AKAIN1: variants seen among roughly 807,000 people sequenced by gnomAD.
The protein encoded by AKAIN1 is A-kinase anchor inhibitor 1.
A neutral mutation model predicts 3.7 loss-of-function variants in AKAIN1; 3 were observed. The ratio of observed to expected loss-of-function variants is 0.82; its 90% CI spans 0.37 to 2.12. AKAIN1 has a LOEUF of 2.12. AKAIN1 is among the 30% of genes most tolerant of loss of function. AKAIN1 has a pLI of 0.06. For missense variants in AKAIN1, 82 were observed against 82.7 expected, an observed-to-expected ratio of 0.99 and a Z score of 0.03; for synonymous variants, 31 against 30.8, an observed-to-expected ratio of 1.01 and a Z score of -0.02.
At chr18:5,197,621 T>TGAGTCCTCTCTCGC (rs1383296660), upstream of AKAIN1, 1 of 463,322 alleles carries the variant, frequency 2.2e-6, no homozygotes, top group Non-Finnish European at 3.5e-6. The surrounding 1 kb of genome is among the most constrained non-coding windows in gnomAD (Gnocchi z 6.9). Flanking sequence ...TGGAGGTCCG[T>TGAGTCCTCTCTCGC]GAGTCCTCTC....
intron 1 of AKAIN1, among the ~76,000 whole-genome samples, chr18:5,193,257 A>G (rs907260026): frequency 3.1e-4 from 47 of 152,300 alleles, no homozygotes; most frequent in African/African-American, 1.0e-3. Context: ...TTATTCCTCC[A>G]TGAAATCCTT....
intron 1 of AKAIN1, among the ~76,000 whole-genome samples, chr18:5,177,684 G>T (rs891200342): frequency 6.6e-6 from 1 of 152,082 alleles, no homozygotes; most frequent in Non-Finnish European, 1.5e-5. Flanking sequence ...AAAAAATGCT[G>T]TTTTTATTTC....
chr18:5,149,708 C>A (rs1281371022), intron 1 of AKAIN1, among the ~76,000 whole-genome samples: 1 of 152,192 alleles, frequency 6.6e-6, no homozygotes, highest in Non-Finnish European at 1.5e-5. Flanking sequence ...AAGTTCCTGG[C>A]CAATGTTCTT....
intron 1 of AKAIN1, among the ~76,000 whole-genome samples, chr18:5,171,864 A>G (rs1246933043): frequency 6.6e-6 from 1 of 152,176 alleles, no homozygotes; most frequent in Non-Finnish European, 1.5e-5. Context: ...AAAGAAAATC[A>G]GTATGTTGAA....
At chr18:5,175,378 G>A (rs751852354) in intron 1 of AKAIN1, among the ~76,000 whole-genome samples, 2 of 152,136 alleles carry the variant, frequency 1.3e-5, no homozygotes, top group African/African-American at 2.4e-5. Context: ...ACTATAACTT[G>A]CTTAGAACAC....
At chr18:5,184,386 G>A (rs544658448) in intron 1 of AKAIN1, among the ~76,000 whole-genome samples, 2 of 152,124 alleles carry the variant, frequency 1.3e-5, no homozygotes, top group South Asian at 4.1e-4. Flanking sequence ...CAAATAGGAG[G>A]AAAGTAAGTC....
At chr18:5,157,285 C>G (rs2071113729) in intron 1 of AKAIN1, among the ~76,000 whole-genome samples, 1 of 152,176 alleles carries the variant, frequency 6.6e-6, no homozygotes, top group Admixed American at 6.5e-5. Flanking sequence ...GAGCTGGTGT[C>G]CAGACACAGA....
intron 1 of AKAIN1, among the ~76,000 whole-genome samples, chr18:5,187,865 T>C (rs2071296442): frequency 6.6e-6 from 1 of 152,098 alleles, no homozygotes; most frequent in East Asian, 1.9e-4. Flanking sequence ...CTCATCTAAA[T>C]CAAAGATGGC....
chr18:5,147,828 G>A (rs8088007), intron 1 of AKAIN1, among the ~76,000 whole-genome samples: 12,323 of 152,216 alleles, frequency 0.081, 1,608 homozygotes, highest in African/African-American at 0.28. Flanking sequence ...GGAGTCTGGA[G>A]GCATGAATTG....
intron 1 of AKAIN1, among the ~76,000 whole-genome samples, chr18:5,182,980 A>G (rs1281809656): frequency 2.6e-5 from 4 of 151,998 alleles, no homozygotes; most frequent in African/African-American, 9.7e-5. Context: ...CCTAGTGCAC[A>G]TATTTTTTTT....
chr18:5,164,376 A>C (rs980275871), intron 1 of AKAIN1, among the ~76,000 whole-genome samples: 17 of 152,144 alleles, frequency 1.1e-4, no homozygotes, highest in Admixed American at 3.9e-4. Flanking sequence ...ATAACTTAGG[A>C]CCACAGGTGG....
At chr18:5,192,339 T>C (rs1193863111) in intron 1 of AKAIN1, among the ~76,000 whole-genome samples, 1 of 152,172 alleles carries the variant, frequency 6.6e-6, no homozygotes, top group African/African-American at 2.4e-5. Flanking sequence ...CAGCTCATTC[T>C]CCCTAGTAGC....
chr18:5,162,087 T>C (rs2071142728), intron 1 of AKAIN1, among the ~76,000 whole-genome samples: 1 of 152,130 alleles, frequency 6.6e-6, no homozygotes, highest in African/African-American at 2.4e-5. Flanking sequence ...CTTGAGTCTG[T>C]ATACTGTTAA....
intron 1 of AKAIN1, among the ~76,000 whole-genome samples, chr18:5,190,716 CA>C (rs2071313831): frequency 6.6e-6 from 1 of 152,124 alleles, no homozygotes; most frequent in Non-Finnish European, 1.5e-5. Context: ...AAGTGTCAAC[CA>C]GTTCAGTTCC....
At chr18:5,190,621 C>T (rs979171023) in intron 1 of AKAIN1, among the ~76,000 whole-genome samples, 1 of 152,014 alleles carries the variant, frequency 6.6e-6, no homozygotes. Flanking sequence ...GTTTGTGCTA[C>T]TATAATAAAA....
At chr18:5,166,976 C>T (rs1052534697) in intron 1 of AKAIN1, among the ~76,000 whole-genome samples, 2 of 152,058 alleles carry the variant, frequency 1.3e-5, no homozygotes, top group Admixed American at 6.6e-5. Context: ...TGCTAACACA[C>T]ATTATTAAAG....
Position 5,197,135 on chromosome 18 carries a change from G to T in AKAIN1, c.-82C>A, listed in dbSNP as rs527552000. 2 of 1,544,634 alleles carry T rather than the reference G, an allele frequency of 1.3e-6. No individual in the cohort carries two copies. Among genetic ancestry groups the T allele is most frequent in the African/African-American group, 1.4e-5 (1 of 73,040 alleles). Reference sequence around the variant, plus strand: ...ATGGGAAGAAGGCCGGACTTGGCGGGGTCCGGTGCAGGAGGGCGCGCTGGG... The same window carrying T: ...ATGGGAAGAAGGCCGGACTTGGCGGTGTCCGGTGCAGGAGGGCGCGCTGGG... On this transcript the variant is annotated 5_prime_UTR_variant, in exon 1 of 2. Coordinates refer to ENST00000434239, the MANE Select transcript of AKAIN1 (RefSeq NM_001145194.2). The surrounding 1 kb of genome is among the most constrained non-coding windows in gnomAD (Gnocchi z 6.9).
At chr18:5,169,394 T>G (rs1731653054) in intron 1 of AKAIN1, among the ~76,000 whole-genome samples, 1 of 152,032 alleles carries the variant, frequency 6.6e-6, no homozygotes, top group Admixed American at 6.6e-5. Context: ...ACAGAAAAGT[T>G]AGGTGAAATT....
chr18:5,163,905 A>C (rs975626675), intron 1 of AKAIN1: 1 of 152,108 alleles, frequency 6.6e-6, no homozygotes, highest in East Asian at 1.9e-4. Flanking sequence ...TATCTTTTGA[A>C]TCCATCTGGT....
Sources: allele counts gnomAD v4.1 joint callset (sites outside exome capture counted in the v4.1 genomes callset), GRCh38; gene constraint gnomAD v4.1.1; non-coding constraint Gnocchi (gnomAD v3.1); transcripts MANE v1.5; gene names NCBI Gene and HGNC (gene_info 2026-07-23, HGNC 2026-07-21).